Variants in ADK observed in about 807,000 individuals in gnomAD.
ADK encodes N6,N6-dimethyladenosine kinase.
ADK carries 24 observed loss-of-function variants against 44.7 expected under a neutral mutation model. That is an observed-to-expected ratio of 0.54 (90% CI 0.39 to 0.76). The LOEUF (loss-of-function observed/expected upper bound fraction) is 0.76, where lower values mean the gene tolerates loss of function less well. ADK is among the 30% of genes least tolerant of loss of function. The probability of loss-of-function intolerance (pLI) is 0.00; values close to 1 mark genes in which losing one functional copy is unlikely to be tolerated. For missense variants in ADK, 321 were observed against 425.1 expected, an observed-to-expected ratio of 0.76 and a Z score of 2.15; for synonymous variants, 128 against 142.6, an observed-to-expected ratio of 0.90 and a Z score of 0.73.
chr10:74,411,711 G>T (rs1531), intron 6 of ADK, among the ~76,000 whole-genome samples: 96,823 of 151,446 alleles, frequency 0.64, 32,321 homozygotes, highest in Middle Eastern at 0.8. Context: ...AGACAGCAAT[G>T]AAGTTTGCCA....
At chr10:74,555,936 C>T (rs1850231309) in intron 7 of ADK, among the ~76,000 whole-genome samples, 1 of 152,174 alleles carries the variant, frequency 6.6e-6, no homozygotes, top group South Asian at 2.1e-4. Flanking sequence ...GCCATTCATT[C>T]TTGTGTCACA....
chr10:74,359,908 A>C (rs1379699927), intron 4 of ADK, among the ~76,000 whole-genome samples: 1 of 151,564 alleles, frequency 6.6e-6, no homozygotes, highest in Non-Finnish European at 1.5e-5. Flanking sequence ...AGCTATTGTA[A>C]ATGGTTTGCT....
intron 6 of ADK, among the ~76,000 whole-genome samples, chr10:74,408,887 G>A (rs1189760999): frequency 2.6e-5 from 4 of 152,096 alleles, no homozygotes; most frequent in Non-Finnish European, 5.9e-5. Flanking sequence ...TCAGAGGTTG[G>A]CAGAGGCAGA....
chr10:74,414,449 T>C (rs1351063262), intron 6 of ADK, among the ~76,000 whole-genome samples: 1 of 152,182 alleles, frequency 6.6e-6, no homozygotes, highest in Non-Finnish European at 1.5e-5. Flanking sequence ...AAGAGTGTGA[T>C]TATAGGCTGG....
chr10:74,434,929 GT>G (rs1845130681), intron 6 of ADK, among the ~76,000 whole-genome samples: 1 of 152,308 alleles, frequency 6.6e-6, no homozygotes, highest in East Asian at 1.9e-4. Flanking sequence ...CCTGTGGTGA[GT>G]TGTTTATATA....
At chr10:74,450,816 A>G (rs1845744932) in intron 6 of ADK, among the ~76,000 whole-genome samples, 1 of 152,140 alleles carries the variant, frequency 6.6e-6, no homozygotes, top group African/African-American at 2.4e-5. Flanking sequence ...CTGAGTACAA[A>G]TATTTGTTGG....
At position 74,541,803 on chromosome 10, in the gene ADK, CCCT is replaced by C. The variant is rs112660546; in HGVS notation, c.726+16378_726+16380del. On this transcript the variant is annotated intron_variant, in intron 7 of 10. Transcript: ENST00000539909. ...ACGAGAACCCCCACACACCCCCCCC[CCCT>C]AAAAAAAAACAACACAACACAGAAA... 3.1e-3 allele frequency among the ~76,000 whole-genome samples: 428 copies of C among 139,046 alleles called. 5 individuals carry two copies. Among genetic ancestry groups the C allele is most frequent in the African/African-American group, 0.011 (402 of 37,812 alleles). The allele number at this position is 139,046 out of a possible 152,430, so 91.2% of individuals were successfully genotyped here. A position where few individuals can be genotyped will look rare whatever the true frequency, so the allele number is the denominator to read the frequency against.
chr10:74,449,918 C>T (rs762929775), intron 6 of ADK, among the ~76,000 whole-genome samples: 1 of 152,118 alleles, frequency 6.6e-6, no homozygotes, highest in Non-Finnish European at 1.5e-5. Flanking sequence ...TGAGCAAAAA[C>T]GTAACTTAAA....
At chr10:74,535,278 T>C (rs1160048441) in intron 7 of ADK, among the ~76,000 whole-genome samples, 1 of 151,996 alleles carries the variant, frequency 6.6e-6, no homozygotes, top group Non-Finnish European at 1.5e-5. Context: ...CTGGGCAACA[T>C]AGTTGGACCC....
intron 1 of ADK, among the ~76,000 whole-genome samples, chr10:74,163,848 A>G (rs1160901086): frequency 6.6e-6 from 1 of 152,214 alleles, no homozygotes; most frequent in Non-Finnish European, 1.5e-5. Flanking sequence ...AGAGATTTAA[A>G]TAGTTTGTTG....
At chr10:74,392,912 T>G (rs1304596828) in intron 4 of ADK, among the ~76,000 whole-genome samples, 1 of 152,144 alleles carries the variant, frequency 6.6e-6, no homozygotes, top group Non-Finnish European at 1.5e-5. Context: ...TTTGAATGGC[T>G]GTGTGGTATT....
intron 6 of ADK, among the ~76,000 whole-genome samples, chr10:74,444,733 T>A (rs1320754415): frequency 1.3e-5 from 2 of 152,090 alleles, no homozygotes; most frequent in Non-Finnish European, 2.9e-5. Flanking sequence ...TAAATTCTTT[T>A]TCTTTAGCAT....
intron 7 of ADK, among the ~76,000 whole-genome samples, chr10:74,555,682 C>G (rs1249132439): frequency 1.3e-5 from 2 of 151,624 alleles, no homozygotes; most frequent in Non-Finnish European, 2.9e-5. Flanking sequence ...TTATGAATAT[C>G]TTATTAAAAT....
At chr10:74,699,286 C>G (rs1245435056) in intron 10 of ADK, among the ~76,000 whole-genome samples, 5 of 151,342 alleles carry the variant, frequency 3.3e-5, no homozygotes, top group Non-Finnish European at 7.4e-5. Flanking sequence ...TGACACAGTA[C>G]AGTATTTGTA....
At chr10:74,356,618 G>A (rs1012560667) in intron 4 of ADK, among the ~76,000 whole-genome samples, 14 of 152,138 alleles carry the variant, frequency 9.2e-5, no homozygotes, top group Non-Finnish European at 1.6e-4. Context: ...AAACACTCCT[G>A]TTCAGTACAT....
intron 9 of ADK, among the ~76,000 whole-genome samples, chr10:74,613,720 G>A (rs767314516): frequency 7.9e-5 from 12 of 152,094 alleles, no homozygotes; most frequent in Non-Finnish European, 1.2e-4. Flanking sequence ...TCTGGTAGAC[G>A]TAAAGTTCAG....
chr10:74,473,193 G>GACACAC (rs74890577), intron 6 of ADK, among the ~76,000 whole-genome samples: 7 of 149,558 alleles, frequency 4.7e-5, no homozygotes, highest in African/African-American at 1.2e-4. Flanking sequence ...TATACACACA[G>GACACAC]ACACACACAC....
At chr10:74,362,823 G>A (rs1842379815) in intron 4 of ADK, among the ~76,000 whole-genome samples, 1 of 152,228 alleles carries the variant, frequency 6.6e-6, no homozygotes, top group Non-Finnish European at 1.5e-5. Context: ...AGGGCACCAA[G>A]GTTGACACAG....
intron 1 of ADK, among the ~76,000 whole-genome samples, chr10:74,172,689 C>CAAAA (rs67914966): frequency 3.0e-5 from 2 of 66,290 alleles, no homozygotes; most frequent in Non-Finnish European, 5.7e-5. Flanking sequence ...AACTCCATCT[C>CAAAA]AAAAAAAAAA....
Sources: gnomAD v4.1 joint callset for allele counts (sites outside exome capture counted in the v4.1 genomes callset) on GRCh38, gnomAD v4.1.1 for gene constraint, MANE v1.5 for transcripts, NCBI Gene and HGNC (gene_info 2026-07-23, HGNC 2026-07-21) for gene names.